Variants in ELP3 observed in about 807,000 individuals in gnomAD.
The protein encoded by ELP3 is elongator complex protein 3.
In ELP3, 56 loss-of-function variants were observed where a neutral mutation model predicts 74.9. That is an observed-to-expected ratio of 0.75 (90% CI 0.60 to 0.93). ELP3 has a LOEUF of 0.93. Ranked by LOEUF, ELP3 falls within the 40% of genes least tolerant of loss-of-function variation. The pLI is 0.00. For synonymous variants in ELP3, 222 were observed against 239.8 expected (o/e 0.93, Z 0.68); for missense variants, 573 against 686.5 (o/e 0.83, Z 1.85).
In ELP3 at chr8:28,150,080, T is replaced by C. The variant is rs530089135; in HGVS notation, c.1101-5862T>C. ...ATGTGATACCTTTATAATAACAAAA[T>C]AATCCTAATTCCTCCCTCCTGTCCT... On this transcript the variant is annotated intron_variant, in intron 10 of 14. Transcript: ENST00000256398. 3.3e-5 allele frequency among the ~76,000 whole-genome samples: 5 copies of C among 152,312 alleles called. No individual in the cohort carries two copies. In the South Asian group the frequency reaches 1.0e-3, roughly 32 times the overall value.
At chr8:28,104,759 A>T (rs1811621084) in intron 3 of ELP3, among the ~76,000 whole-genome samples, 1 of 152,166 alleles carries the variant, frequency 6.6e-6, no homozygotes. Flanking sequence ...CCTATCACTG[A>T]TGTTCCTCAT....
intron 7 of ELP3, among the ~76,000 whole-genome samples, chr8:28,125,030 C>T (rs1271057807): frequency 6.6e-6 from 1 of 152,158 alleles, no homozygotes; most frequent in Non-Finnish European, 1.5e-5. Context: ...AAGTCTAGAG[C>T]ATCACTAGCA....
chr8:28,090,482 G>GTGTGTGTGTGTGTGTGTGT (rs1554492430), upstream of ELP3: 1 of 158,618 alleles, frequency 6.3e-6, no homozygotes, highest in Non-Finnish European at 1.3e-5. Context: ...CTGATGGGTG[G>GTGTGTGTGTGTGTGTGTGT]GTGTGTGTGT....
chr8:28,158,787 A>G (rs1291969765), intron 12 of ELP3, among the ~76,000 whole-genome samples, 154 bp downstream of exon 12: 1 of 152,206 alleles, frequency 6.6e-6, no homozygotes, highest in Admixed American at 6.5e-5. Context: ...AAACCGTGAA[A>G]GCCAAATACA....
intron 14 of ELP3, among the ~76,000 whole-genome samples, chr8:28,179,130 C>T (rs1814889616): frequency 6.6e-6 from 1 of 152,204 alleles, no homozygotes; most frequent in African/African-American, 2.4e-5. Context: ...GCAGCTTCTG[C>T]AGGGCCAACT....
intron 10 of ELP3, among the ~76,000 whole-genome samples, chr8:28,139,337 A>G (rs1027264023): frequency 1.1e-4 from 16 of 152,180 alleles, no homozygotes; most frequent in Non-Finnish European, 2.9e-5. Context: ...CAAAAGTTGA[A>G]AAAGGAGAAA....
chr8:28,128,471 G>A (rs1052798586), intron 7 of ELP3, among the ~76,000 whole-genome samples: 9 of 151,410 alleles, frequency 5.9e-5, no homozygotes, highest in South Asian at 2.1e-4. Flanking sequence ...GTGAAACTCC[G>A]AATCAAAAAA....
At chr8:28,183,711 T>C (rs1815114686) in intron 14 of ELP3, among the ~76,000 whole-genome samples, 1 of 152,184 alleles carries the variant, frequency 6.6e-6, no homozygotes. Context: ...AAGCCTGCGT[T>C]TGGACTCTCC....
chr8:28,116,466 G>A (rs1403745381), intron 7 of ELP3, among the ~76,000 whole-genome samples: 5 of 152,216 alleles, frequency 3.3e-5, no homozygotes, highest in Admixed American at 6.5e-5. Context: ...GAGGCCGGGC[G>A]TAGTGGCTCA....
intron 14 of ELP3, among the ~76,000 whole-genome samples, chr8:28,187,401 T>C (rs1585769140): frequency 6.6e-6 from 1 of 152,094 alleles, no homozygotes; most frequent in African/African-American, 2.4e-5. Flanking sequence ...TAAAACAAAA[T>C]CCCTGCCCTC....
At chr8:28,162,201 G>T in intron 14 of ELP3, 123 bp downstream of exon 14, 1 of 961,778 alleles carries the variant, frequency 1.0e-6, no homozygotes, top group South Asian at 1.5e-5. Flanking sequence ...GAGCTGAGCT[G>T]ACTGGCGAAG....
Position 28,137,756 on chromosome 8 carries a change from T to G in ELP3, c.965T>G (p.Val322Gly). 6.2e-7 allele frequency: 1 copy of G among 1,614,150 alleles called. No homozygotes were observed. The highest frequency in any genetic ancestry group is 8.5e-7 in the Non-Finnish European group (1 of 1,180,024). Residue 322 changes from valine to glycine, a missense_variant, in exon 10 of 15, where the codon GTG (valine) becomes GGG (glycine). By Grantham distance (109) the Val-to-Gly change is moderately radical (BLOSUM62 -3). Coordinates refer to ENST00000256398, the MANE Select transcript of ELP3 (RefSeq NM_018091.6). Reference sequence around the variant, plus strand: ...GGGCTGAAACTCTATCCTACCCTGGTGATTCGTGGGACCGGGCTTTATGAG... The same window carrying G: ...GGGCTGAAACTCTATCCTACCCTGGGGATTCGTGGGACCGGGCTTTATGAG... ...PDGLKLYPTL[V>G]IRGTGLYELW...
intron 14 of ELP3, among the ~76,000 whole-genome samples, chr8:28,163,978 T>A (rs901838663): frequency 6.6e-6 from 1 of 152,230 alleles, no homozygotes; most frequent in Non-Finnish European, 1.5e-5. Context: ...GTATTCTCTT[T>A]TCAGTCACTG....
chr8:28,140,776 T>C (rs1278509406), intron 10 of ELP3, among the ~76,000 whole-genome samples: 1 of 152,266 alleles, frequency 6.6e-6, no homozygotes, highest in East Asian at 1.9e-4. Flanking sequence ...TGGCTATTGC[T>C]CCTGAGTGCA....
intron 5 of ELP3, among the ~76,000 whole-genome samples, chr8:28,109,250 C>T (rs1202804015): frequency 1.3e-5 from 2 of 152,136 alleles, no homozygotes; most frequent in African/African-American, 2.4e-5. Flanking sequence ...GGCAGAAGGC[C>T]AGTGAGGTGC....
intron 7 of ELP3, among the ~76,000 whole-genome samples, chr8:28,124,074 C>T (rs1812481755): frequency 6.6e-6 from 1 of 152,104 alleles, no homozygotes; most frequent in Non-Finnish European, 1.5e-5. Context: ...TTAATCATCT[C>T]CTCACTTTGG....
At chr8:28,149,806 T>C (rs987061403) in intron 10 of ELP3, among the ~76,000 whole-genome samples, 23 of 152,222 alleles carry the variant, frequency 1.5e-4, no homozygotes, top group Middle Eastern at 3.2e-3. Context: ...GTGCTATAAA[T>C]TTTCCTCTAA....
intron 7 of ELP3, among the ~76,000 whole-genome samples, chr8:28,116,437 C>G (rs1812137389): frequency 6.6e-6 from 1 of 152,152 alleles, no homozygotes; most frequent in Non-Finnish European, 1.5e-5. Flanking sequence ...ATTGTTACTG[C>G]TCGTTCAAAA....
chr8:28,184,262 C>T (rs1279922431), intron 14 of ELP3, among the ~76,000 whole-genome samples: 3 of 152,162 alleles, frequency 2.0e-5, no homozygotes, highest in African/African-American at 7.2e-5. Context: ...TCCCTGGATG[C>T]CAGCACTTCT....
Sources: gnomAD v4.1 joint callset for allele counts (sites outside exome capture counted in the v4.1 genomes callset) on GRCh38, gnomAD v4.1.1 for gene constraint, MANE v1.5 for transcripts, NCBI Gene and HGNC (gene_info 2026-07-23, HGNC 2026-07-21) for gene names.